Variants in WWOX observed in about 807,000 individuals in gnomAD.
WWOX encodes the protein WW domain-containing oxidoreductase.
In WWOX, 69 loss-of-function variants were observed where a neutral mutation model predicts 46.2. That is an observed-to-expected ratio of 1.49 (90% CI 1.23 to 1.82). The LOEUF (loss-of-function observed/expected upper bound fraction) is 1.82. WWOX is among the 40% of genes most tolerant of loss of function. WWOX has a pLI of 0.00. For synonymous variants in WWOX, 359 were observed against 202.6 expected, an observed-to-expected ratio of 1.77 and a Z score of -6.56; for missense variants, 919 against 542.6, an observed-to-expected ratio of 1.69 and a Z score of -6.89.
chr16:79,106,375 T>C (rs1051687273), intron 8 of WWOX, among the ~76,000 whole-genome samples: 16 of 152,176 alleles, frequency 1.1e-4, no homozygotes, highest in African/African-American at 3.6e-4. Flanking sequence ...GTGTTCACAC[T>C]CACCTACTTC....
intron 8 of WWOX, among the ~76,000 whole-genome samples, chr16:78,466,518 A>G (rs2084082139): frequency 6.6e-6 from 1 of 152,148 alleles, no homozygotes; most frequent in Non-Finnish European, 1.5e-5. Flanking sequence ...GTGGCATATT[A>G]AGCTGCTGTT....
chr16:78,734,295 C>T (rs1454762275), intron 8 of WWOX, among the ~76,000 whole-genome samples: 1 of 151,932 alleles, frequency 6.6e-6, no homozygotes, highest in Non-Finnish European at 1.5e-5. Context: ...ATTTTTCCCC[C>T]ACATGCATCT....
intron 6 of WWOX, among the ~76,000 whole-genome samples, chr16:78,419,520 C>G (rs990600248): frequency 2.8e-5 from 4 of 143,708 alleles, no homozygotes; most frequent in African/African-American, 2.6e-5. Flanking sequence ...GATGCCAAGA[C>G]AATTCAAAAT....
At chr16:78,868,857 C>G (rs902759747) in intron 8 of WWOX, among the ~76,000 whole-genome samples, 4 of 152,154 alleles carry the variant, frequency 2.6e-5, no homozygotes, top group East Asian at 1.9e-4. Context: ...ATCTCATTGT[C>G]TCATGGATTT....
At chr16:78,353,804 TA>T (rs2081229619) in intron 5 of WWOX, among the ~76,000 whole-genome samples, 1 of 152,238 alleles carries the variant, frequency 6.6e-6, no homozygotes, top group Admixed American at 6.5e-5. Flanking sequence ...GGTCAGCAGT[TA>T]GCGTCAAGTT....
chr16:78,218,416 A>T (rs1391672649), intron 5 of WWOX, among the ~76,000 whole-genome samples: 1 of 152,082 alleles, frequency 6.6e-6, no homozygotes, highest in Non-Finnish European at 1.5e-5. Flanking sequence ...GTCTTTGACA[A>T]TTCATGTAAA....
intron 8 of WWOX, among the ~76,000 whole-genome samples, chr16:78,492,359 C>T (rs552747468): frequency 6.6e-6 from 1 of 152,312 alleles, no homozygotes; most frequent in South Asian, 2.1e-4. Flanking sequence ...TGACATCGTC[C>T]ACTGGAGGGA....
At position 78,308,165 on chromosome 16, in the gene WWOX, C is replaced by G. The variant is rs899354444; in HGVS notation, c.517-78695C>G. 1.8e-4 allele frequency among the ~76,000 whole-genome samples: 28 copies of G among 152,122 alleles called. 1 individual carries two copies. Among genetic ancestry groups the G allele is most frequent in the Admixed American group, 1.8e-3 (27 of 15,274 alleles). ...TGCAGTGTGGGAGTCCTTCCCCTAG[C>G]ATGTTAGTGGCCAGCACCATGCCAC... On this transcript the variant is annotated intron_variant, in intron 5 of 8. Transcript: ENST00000566780.
In WWOX at chr16:78,187,109, C is replaced by G. The variant is rs186298576; in HGVS notation, c.516+22820C>G. On this transcript the variant is annotated intron_variant, in intron 5 of 8. Transcript: ENST00000566780. ...CTGTCCCATCTCCCCAAAGAAACAC[C>G]CTTTACCTTAGTTTTTATTCTTTGA... 1.9e-4 allele frequency among the ~76,000 whole-genome samples: 29 copies of G among 152,242 alleles called. No individual in the cohort carries two copies. In the East Asian group the frequency reaches 4.4e-3, roughly 23 times the overall value.
At chr16:78,697,640 C>G (rs77925247) in intron 8 of WWOX, among the ~76,000 whole-genome samples, 3 of 152,058 alleles carry the variant, frequency 2.0e-5, no homozygotes, top group Non-Finnish European at 4.4e-5. Flanking sequence ...GACCACCATA[C>G]GTGAAAAAAT....
At chr16:79,012,453 G>T (rs951242492) in intron 8 of WWOX, among the ~76,000 whole-genome samples, 5 of 152,052 alleles carry the variant, frequency 3.3e-5, no homozygotes, top group Admixed American at 2.0e-4. Context: ...GGCTGGTCTC[G>T]AACTCCTGAC....
At chr16:78,848,306 A>C (rs2052352365) in intron 8 of WWOX, among the ~76,000 whole-genome samples, 1 of 152,036 alleles carries the variant, frequency 6.6e-6, no homozygotes, top group African/African-American at 2.4e-5. Flanking sequence ...TGTTGAAAAA[A>C]TCTTCAAGTC....
chr16:78,995,484 C>G (rs1335127404), intron 8 of WWOX, among the ~76,000 whole-genome samples: 2 of 151,830 alleles, frequency 1.3e-5, no homozygotes, highest in East Asian at 1.9e-4. Context: ...AAACCAAGTT[C>G]TTTGTAAATT....
At chr16:78,929,104 C>G (rs1419674676) in intron 8 of WWOX, among the ~76,000 whole-genome samples, 1 of 152,114 alleles carries the variant, frequency 6.6e-6, no homozygotes, top group African/African-American at 2.4e-5. Context: ...TCAAAATAAT[C>G]AAAATGTATT....
rs2032288663 is a variant in WWOX, at chr16:78,108,426, C to T, written c.111C>T (p.His37=). 1.2e-6 allele frequency: 2 copies of T among 1,612,706 alleles called. No homozygotes were observed. The highest frequency in any genetic ancestry group is 1.7e-6 in the Non-Finnish European group (2 of 1,179,398). ...TKDGWVYYAN[H]TEEKTQWEHP... is the part of the protein sequence containing the mutation. ...TGGATTTTTTGTTTTTTAACAGTCA[C>T]ACCGAGGAGAAGACTCAGTGGGAAC... Residue 37 remains histidine, a synonymous_variant, in exon 2 of 9, where the codon CAC becomes CAT. Transcript: ENST00000566780.
chr16:78,672,081 T>G (rs1170539872), intron 8 of WWOX, among the ~76,000 whole-genome samples: 1 of 152,196 alleles, frequency 6.6e-6, no homozygotes, highest in East Asian at 1.9e-4. Flanking sequence ...TTCTGTTATC[T>G]TACTTCACAA....
At chr16:79,083,360 A>G (rs1385720339) in intron 8 of WWOX, among the ~76,000 whole-genome samples, 2 of 152,194 alleles carry the variant, frequency 1.3e-5, no homozygotes, top group Non-Finnish European at 2.9e-5. Context: ...CAATGTTCAG[A>G]TGAAACCCAT....
chr16:79,172,436 A>G (rs1444130091), intron 8 of WWOX, among the ~76,000 whole-genome samples: 2 of 152,150 alleles, frequency 1.3e-5, no homozygotes, highest in African/African-American at 4.8e-5. Context: ...CTGCAAACTC[A>G]AGAGCAGCAA....
chr16:79,075,997 G>A (rs2048648904), intron 8 of WWOX, among the ~76,000 whole-genome samples: 2 of 152,148 alleles, frequency 1.3e-5, no homozygotes, highest in Admixed American at 6.5e-5. Flanking sequence ...TAAAGTATTT[G>A]TTGAAGTGGG....
Sources: allele counts gnomAD v4.1 joint callset (sites outside exome capture counted in the v4.1 genomes callset), GRCh38; gene constraint gnomAD v4.1.1; transcripts MANE v1.5; gene names NCBI Gene and HGNC (gene_info 2026-07-23, HGNC 2026-07-21).